Variants in GSE1 observed in about 807,000 individuals in gnomAD.
GSE1 encodes Gse1 coiled-coil protein.
A neutral mutation model predicts 112.6 loss-of-function variants in GSE1; 32 were observed. That is an observed-to-expected ratio of 0.28 (90% CI 0.21 to 0.38). GSE1 has a LOEUF of 0.38. Among genes scored for constraint, GSE1 ranks in the 10% least tolerant of loss-of-function variants. The probability of loss-of-function intolerance (pLI) is 1.00; values close to 1 mark genes in which losing one functional copy is unlikely to be tolerated. For missense variants in GSE1, 2,348 were observed against 1,699.2 expected (o/e 1.38, Z -6.71); for synonymous variants, 1,115 against 735.6 (o/e 1.52, Z -8.35).
intron 1 of GSE1, among the ~76,000 whole-genome samples, chr16:85,576,176 G>A (rs1305382267): frequency 6.6e-6 from 1 of 152,198 alleles, no homozygotes; most frequent in African/African-American, 2.4e-5. Flanking sequence ...AAGGTTGTCT[G>A]TTAAGAGGCC....
intron 6 of GSE1, 142 bp downstream of exon 6, chr16:85,656,059 G>A (rs2051899997): frequency 2.8e-6 from 2 of 714,376 alleles, no homozygotes; most frequent in Non-Finnish European, 4.6e-6. Flanking sequence ...ATGGGACAAT[G>A]ATCGTTCAGG....
At chr16:85,190,329 A>G (rs2074795706) in intron 1 of GSE1, among the ~76,000 whole-genome samples, 1 of 152,272 alleles carries the variant, frequency 6.6e-6, no homozygotes. Flanking sequence ...CAGATCATAA[A>G]GAATTGCTGG....
At chr16:85,670,452 G>A (rs534631861) in intron 14 of GSE1, among the ~76,000 whole-genome samples, 65 of 151,984 alleles carry the variant, frequency 4.3e-4, no homozygotes, top group African/African-American at 1.4e-3. Context: ...ATGTATGTTC[G>A]TTAGTATTAG....
At chr16:85,201,236 C>CTATTCTA (rs1267520137) in intron 1 of GSE1, among the ~76,000 whole-genome samples, 9 of 151,940 alleles carry the variant, frequency 5.9e-5, no homozygotes, top group African/African-American at 1.7e-4. Context: ...CCACACCCAG[C>CTATTCTA]TATTTTGTTT....
intron 2 of GSE1, among the ~76,000 whole-genome samples, chr16:85,374,174 G>T (rs2047363778): frequency 6.6e-6 from 1 of 151,366 alleles, no homozygotes; most frequent in African/African-American, 2.4e-5. Flanking sequence ...TGTGCAGTGT[G>T]TGTCAGTGTG....
intron 3 of GSE1, among the ~76,000 whole-genome samples, chr16:85,649,027 A>G (rs2051115887): frequency 6.6e-6 from 1 of 152,016 alleles, no homozygotes; most frequent in Admixed American, 6.5e-5. Flanking sequence ...GGAGGCCACA[A>G]GTTCACAATC....
upstream of GSE1, among the ~76,000 whole-genome samples, chr16:85,610,898 G>A (rs1248297754): frequency 6.6e-6 from 1 of 152,242 alleles, no homozygotes; most frequent in African/African-American, 2.4e-5. Flanking sequence ...TGTATACGCC[G>A]GAGGGATTGG....
In GSE1 at chr16:85,472,650, T is replaced by G. The variant is rs149893306; in HGVS notation, c.2464+115007T>G. On this transcript the variant is annotated intron_variant, in intron 2 of 2. Coordinates refer to the GSE1 transcript ENST00000637419. ...TTCAGCAGCGGCTCAGGACCCGGTCTGGCCTCCCCCTGTTGGAGCCCCAGG... is the reference window on the plus strand; with the variant it reads ...TTCAGCAGCGGCTCAGGACCCGGTCGGGCCTCCCCCTGTTGGAGCCCCAGG... Among the ~76,000 whole-genome samples, 818 of 152,374 alleles carry G rather than the reference T, an allele frequency of 5.4e-3. 7 individuals are homozygous for G. Among genetic ancestry groups the G allele is most frequent in the African/African-American group, 0.019 (778 of 41,592 alleles).
intron 1 of GSE1, among the ~76,000 whole-genome samples, chr16:85,244,241 A>G (rs1364521897): frequency 6.6e-6 from 1 of 152,182 alleles, no homozygotes; most frequent in Non-Finnish European, 1.5e-5. Flanking sequence ...GAGAGGAGGC[A>G]GAAGAGAGTC....
intron 2 of GSE1, among the ~76,000 whole-genome samples, chr16:85,646,912 G>T (rs558405844): frequency 1.3e-5 from 2 of 151,942 alleles, no homozygotes; most frequent in Non-Finnish European, 2.9e-5. Context: ...TGGGGGCTCC[G>T]GAAGCGAGGC....
rs2048131410 is a variant in GSE1 at position 85,402,230 on chromosome 16, G to C, written c.2464+44587G>C. On this transcript the variant is annotated intron_variant, in intron 2 of 2. Coordinates refer to the GSE1 transcript ENST00000637419. ...GGCGGGAGGTGAGATAAGCTGGTGGGTACTGAAGCCAGAGCGGCCTGTCCA... is the reference window on the plus strand; with the variant it reads ...GGCGGGAGGTGAGATAAGCTGGTGGCTACTGAAGCCAGAGCGGCCTGTCCA... Among the ~76,000 whole-genome samples the C allele has an allele frequency of 1.3e-5, 2 of 152,274 alleles. 1 individual carries two copies. Among genetic ancestry groups the C allele is most frequent in the South Asian group, 4.1e-4 (2 of 4,832 alleles).
intron 15 of GSE1, among the ~76,000 whole-genome samples, chr16:85,671,635 A>G: frequency 6.6e-6 from 1 of 152,042 alleles, no homozygotes; most frequent in South Asian, 2.1e-4. Context: ...AAATTCAGAC[A>G]CCAGTTGATT....
chr16:85,449,767 G>A (rs994197706), intron 2 of GSE1, among the ~76,000 whole-genome samples: 6 of 152,288 alleles, frequency 3.9e-5, no homozygotes, highest in East Asian at 1.9e-4. Context: ...TGGAGAGATC[G>A]CTTGACTTCT....
intron 2 of GSE1, among the ~76,000 whole-genome samples, chr16:85,641,589 G>T (rs1028418249): frequency 6.6e-6 from 1 of 152,286 alleles, no homozygotes; most frequent in Non-Finnish European, 1.5e-5. Context: ...GCCTTGCGCT[G>T]TGGTGTGCCT....
At chr16:85,176,711 GC>G (rs1211329373) in intron 1 of GSE1, among the ~76,000 whole-genome samples, 1 of 152,244 alleles carries the variant, frequency 6.6e-6, no homozygotes, top group Non-Finnish European at 1.5e-5. Flanking sequence ...CCCCGGCCAG[GC>G]CCCCCGAGTG....
chr16:85,614,357 C>G lies in GSE1; in HGVS notation c.7+959C>G, dbSNP rs549536090. On this transcript the variant is annotated intron_variant, in intron 1 of 15. Transcript: ENST00000253458. ...GCCTCTCTAGCAGGCTAATTAAATT[C>G]CCTTCATGGAGGCGGAGCGGGAGTG... is the stretch of plus-strand genomic sequence containing the variant. Among the ~76,000 whole-genome samples, 8 of 152,294 alleles carry G rather than the reference C, an allele frequency of 5.3e-5. No individual in the cohort carries two copies. In the East Asian group the frequency reaches 1.4e-3, roughly 26 times the overall value.
chr16:85,336,668 C>A (rs550227782), intron 1 of GSE1, among the ~76,000 whole-genome samples: 3 of 151,202 alleles, frequency 2.0e-5, no homozygotes, highest in African/African-American at 7.3e-5. Context: ...GTGGTGTGAT[C>A]TTTGCTCACT....
At chr16:85,639,132 T>C (rs567090848) in intron 2 of GSE1, among the ~76,000 whole-genome samples, 1 of 152,342 alleles carries the variant, frequency 6.6e-6, no homozygotes, top group Admixed American at 6.5e-5. Flanking sequence ...GACCCTGTTC[T>C]GCCCTGGTGG....
chr16:85,640,780 G>A (rs184515847), intron 2 of GSE1, among the ~76,000 whole-genome samples: 72 of 152,362 alleles, frequency 4.7e-4, no homozygotes, highest in East Asian at 1.7e-3. Flanking sequence ...TGGCAGGCGC[G>A]CCTCGCGTGG....
Sources: gnomAD v4.1 joint callset for allele counts (sites outside exome capture counted in the v4.1 genomes callset) on GRCh38, gnomAD v4.1.1 for gene constraint, MANE v1.5 for transcripts, NCBI Gene and HGNC (gene_info 2026-07-23, HGNC 2026-07-21) for gene names.